The following PCDH10 variants were observed in gnomAD, a reference collection of about 807,000 sequenced individuals.
PCDH10 encodes protocadherin 10, also known as protocadherin-10.
A neutral mutation model predicts 74.4 loss-of-function variants in PCDH10; 15 were observed. That is an observed-to-expected ratio of 0.20 (90% confidence interval 0.13 to 0.31). The LOEUF (loss-of-function observed/expected upper bound fraction) is 0.31, where lower values mean the gene tolerates loss of function less well. Ranked by LOEUF, PCDH10 falls within the 10% of genes least tolerant of loss-of-function variation. PCDH10 has a pLI of 1.00. For missense variants in PCDH10, 1,260 were observed against 1,390.2 expected, an observed-to-expected ratio of 0.91 and a Z score of 1.49; for synonymous variants, 619 against 589.8, an observed-to-expected ratio of 1.05 and a Z score of -0.72.
chr4:133,154,953 G>A lies in PCDH10; in HGVS notation c.2727G>A (p.Lys909=), dbSNP rs556963565. The A allele has an allele frequency of 1.2e-6, 2 of 1,613,732 alleles. No individual in the cohort carries two copies. The highest frequency in any genetic ancestry group is 2.2e-5 in the South Asian group (2 of 91,078). ...AGGAAGCCGACATAGTAAGCTCTAA[G>A]GACAGTGGTCATGGAGACAGTGAAC... The part of the protein sequence containing the change: ...AFQEADIVSS[K]DSGHGDSEQG... The change falls in exon 3 of 5, where the codon AAG becomes AAA. Residue 909 remains lysine (K), a synonymous_variant. Transcript: ENST00000264360.
intron 2 of PCDH10, among the ~76,000 whole-genome samples, chr4:133,201,724 C>T (rs1344518113): frequency 6.6e-6 from 1 of 151,934 alleles, no homozygotes; most frequent in Non-Finnish European, 1.5e-5. Context: ...GGCATGGTGG[C>T]TCATGCCTGT....
intron 4 of PCDH10, among the ~76,000 whole-genome samples, chr4:133,169,402 A>G (rs896370083): frequency 6.6e-6 from 1 of 151,866 alleles, no homozygotes; most frequent in Non-Finnish European, 1.5e-5. Context: ...CTTTTATTCA[A>G]TACTTTATAG....
intron 2 of PCDH10, among the ~76,000 whole-genome samples, chr4:133,206,317 T>C (rs1054613747): frequency 1.3e-5 from 2 of 152,186 alleles, no homozygotes; most frequent in African/African-American, 4.8e-5. Flanking sequence ...GAGCTCTCTG[T>C]TTCAACCTCC....
chr4:133,204,434 TA>T (rs992390007), intron 2 of PCDH10, among the ~76,000 whole-genome samples: 1 of 152,164 alleles, frequency 6.6e-6, no homozygotes, highest in Non-Finnish European at 1.5e-5. Context: ...AGCCTACCTT[TA>T]AGGTGCTGTG....
At chr4:133,200,299 A>G (rs1423667752) in intron 2 of PCDH10, among the ~76,000 whole-genome samples, 2 of 151,978 alleles carry the variant, frequency 1.3e-5, no homozygotes, top group African/African-American at 4.8e-5. Context: ...TTTGGCTAGT[A>G]TATGTACCAA....
At chr4:133,177,453 C>G (rs1727317807) in intron 4 of PCDH10, among the ~76,000 whole-genome samples, 1 of 152,050 alleles carries the variant, frequency 6.6e-6, no homozygotes, top group Non-Finnish European at 1.5e-5. Flanking sequence ...CTGTGTAATT[C>G]TCATGTTTTT....
At chr4:133,154,636 GTATATT>G (rs1726824248) in intron 2 of PCDH10, among the ~76,000 whole-genome samples, 2 of 152,012 alleles carry the variant, frequency 1.3e-5, no homozygotes, top group African/African-American at 2.4e-5. Flanking sequence ...TGTTCCAAAT[GTATATT>G]TATATCTATT....
At chr4:133,170,978 T>A (rs1727190010) in intron 4 of PCDH10, among the ~76,000 whole-genome samples, 1 of 151,904 alleles carries the variant, frequency 6.6e-6, no homozygotes, top group East Asian at 1.9e-4. Flanking sequence ...GCCCAGGTAG[T>A]CTATTTTTTT....
At chr4:133,171,322 A>G (rs1727199811) in intron 4 of PCDH10, among the ~76,000 whole-genome samples, 1 of 152,154 alleles carries the variant, frequency 6.6e-6, no homozygotes, top group South Asian at 2.1e-4. Context: ...ACTTTATTCC[A>G]TAAAAACATA....
intron 2 of PCDH10, among the ~76,000 whole-genome samples, chr4:133,202,071 T>C (rs1036503831): frequency 6.6e-6 from 1 of 152,006 alleles, no homozygotes; most frequent in African/African-American, 2.4e-5. Context: ...GTTTATATCT[T>C]TGTGATAAGT....
At chr4:133,201,376 G>C (rs1187988777) in intron 2 of PCDH10, among the ~76,000 whole-genome samples, 1 of 152,164 alleles carries the variant, frequency 6.6e-6, no homozygotes, top group Admixed American at 6.5e-5. Context: ...AGATGGATGA[G>C]AATGACAGCA....
chr4:133,152,347 T>C lies in PCDH10; in HGVS notation c.2207T>C (p.Leu736Pro). 1 of 1,614,230 alleles carries C rather than the reference T, an allele frequency of 6.2e-7. No homozygotes were observed. The highest frequency in any genetic ancestry group is 8.5e-7 in the Non-Finnish European group (1 of 1,180,050). The change falls in exon 1 of 5, where the codon CTG (leucine) becomes CCG (proline). Residue 736 changes from leucine to proline, a missense_variant. Leu to Pro is a moderately conservative substitution (Grantham distance 98). This residue lies in a region of PCDH10 where 587 missense variants were observed against 616.9 expected (regional missense o/e 0.95). Coordinates refer to ENST00000264360, the MANE Select transcript of PCDH10 (RefSeq NM_032961.3). Reference protein sequence around the residue: ...SFIFLLAMIVLAVRCQKEKKL... With the variant: ...SFIFLLAMIVPAVRCQKEKKL... ...ATCTTCCTGCTGGCCATGATCGTGC[T>C]GGCCGTGCGTTGCCAAAAAGAGAAG...
intron 1 of PCDH10, chr4:133,153,152 G>C (rs1038063373): frequency 8.5e-7 from 1 of 1,180,690 alleles, no homozygotes; most frequent in Non-Finnish European, 1.1e-6. Context: ...TTTTTTCTTT[G>C]CGTCTGTCCC....
At chr4:133,201,268 T>G (rs1211140933) in intron 2 of PCDH10, among the ~76,000 whole-genome samples, 2 of 152,158 alleles carry the variant, frequency 1.3e-5, no homozygotes, top group African/African-American at 4.8e-5. Context: ...TAGGAAGGCA[T>G]GTAAAGGATA....
intron 4 of PCDH10, among the ~76,000 whole-genome samples, chr4:133,183,156 C>A (rs1369138186): frequency 6.6e-6 from 1 of 152,024 alleles, no homozygotes; most frequent in Non-Finnish European, 1.5e-5. Context: ...GTTGAAAGCA[C>A]TCTTCATTCA....
rs960010862 is a variant in PCDH10, at chr4:133,205,682, A to G, written n.438-2394A>G. On this transcript the variant is annotated intron_variant and non_coding_transcript_variant, in intron 2 of 2. Transcript: ENST00000511112. ...CTCTACTTGTCTGTCAATTTTCATT[A>G]CTTTTTCTTCTCTATATTTTAAAAA... 2.6e-5 allele frequency among the ~76,000 whole-genome samples: 4 copies of G among 151,884 alleles called. No homozygotes were observed. The South Asian group carries it at 8.3e-4, about 32-fold the overall frequency.
chr4:133,207,494 G>T (rs765330889), intron 2 of PCDH10, among the ~76,000 whole-genome samples: 3 of 152,050 alleles, frequency 2.0e-5, no homozygotes, highest in Admixed American at 1.3e-4. Flanking sequence ...TTTGGGACTA[G>T]GATAACCATA....
At chr4:133,160,754 G>A (rs181933718) in intron 3 of PCDH10, among the ~76,000 whole-genome samples, 20 of 151,522 alleles carry the variant, frequency 1.3e-4, no homozygotes, top group East Asian at 7.7e-4. Flanking sequence ...ATATTTAGTC[G>A]TCGTGAAGAA....
intron 1 of PCDH10, chr4:133,153,286 C>G (rs1560704874): frequency 2.0e-6 from 2 of 1,007,334 alleles, no homozygotes; most frequent in Non-Finnish European, 2.4e-6. Context: ...TTTTAGTGAA[C>G]AAGTTACCAG....
Sources: allele counts gnomAD v4.1 joint callset (sites outside exome capture counted in the v4.1 genomes callset), GRCh38; gene constraint gnomAD v4.1.1; regional missense constraint gnomAD v4.1.1; transcripts MANE v1.5; gene names NCBI Gene and HGNC (gene_info 2026-07-23, HGNC 2026-07-21).